The following KCNIP4 variants were observed in gnomAD, a reference collection of about 807,000 sequenced individuals.
KCNIP4 encodes the protein Kv channel-interacting protein 4.
KCNIP4 carries 12 observed loss-of-function variants against 34.0 expected under a neutral mutation model. That is an observed-to-expected ratio of 0.35 (90% CI 0.23 to 0.57). The LOEUF (loss-of-function observed/expected upper bound fraction) is 0.57. Ranked by LOEUF, KCNIP4 falls within the 20% of genes least tolerant of loss-of-function variation. The pLI, the probability that KCNIP4 is intolerant of heterozygous loss-of-function variation, is 0.83. For synonymous variants in KCNIP4, 124 were observed against 102.2 expected (o/e 1.21, Z -1.29); for missense variants, 238 against 311.7 (o/e 0.76, Z 1.78).
chr4:21,780,610 C>T (rs889666602), intron 1 of KCNIP4, among the ~76,000 whole-genome samples: 1 of 152,142 alleles, frequency 6.6e-6, no homozygotes, highest in African/African-American at 2.4e-5. Context: ...GCTCCAACCT[C>T]CCATTCACAT....
intron 1 of KCNIP4, among the ~76,000 whole-genome samples, chr4:21,435,989 C>G (rs377186578): frequency 6.6e-6 from 1 of 152,258 alleles, no homozygotes; most frequent in African/African-American, 2.4e-5. Context: ...GAGGAAACAG[C>G]GAGCTCCCAG....
intron 1 of KCNIP4, among the ~76,000 whole-genome samples, chr4:21,559,437 A>G (rs1006931601): frequency 1.3e-5 from 2 of 152,136 alleles, no homozygotes; most frequent in Non-Finnish European, 2.9e-5. Flanking sequence ...AGCATTCACC[A>G]TATATGCATT....
intron 1 of KCNIP4, among the ~76,000 whole-genome samples, chr4:21,263,948 C>T (rs1372599108): frequency 6.6e-6 from 1 of 151,982 alleles, no homozygotes; most frequent in Non-Finnish European, 1.5e-5. Context: ...AGCCACCATG[C>T]CCAGCCCAAT....
chr4:20,924,132 G>A (rs1302137363), intron 1 of KCNIP4, among the ~76,000 whole-genome samples: 1 of 152,152 alleles, frequency 6.6e-6, no homozygotes, highest in Non-Finnish European at 1.5e-5. Flanking sequence ...GAATTATTGG[G>A]ACATTGAATG....
chr4:21,861,056 C>T (rs1040039), intron 1 of KCNIP4, among the ~76,000 whole-genome samples: 110,974 of 152,114 alleles, frequency 0.73, 45,187 homozygotes, highest in East Asian at 0.89. Flanking sequence ...GTCAGATGTA[C>T]ATAGATATTA....
At chr4:21,525,712 C>T (rs358832) in intron 1 of KCNIP4, among the ~76,000 whole-genome samples, 131,867 of 152,130 alleles carry the variant, frequency 0.87, 57,302 homozygotes, top group East Asian at 0.99. Flanking sequence ...ATTGGGGATT[C>T]AGAGGTGTAG....
At chr4:21,630,162 C>A (rs1432578524) in intron 1 of KCNIP4, among the ~76,000 whole-genome samples, 2 of 151,430 alleles carry the variant, frequency 1.3e-5, no homozygotes, top group Non-Finnish European at 2.9e-5. Context: ...CCATACCCGG[C>A]CAACATATTT....
intron 1 of KCNIP4, among the ~76,000 whole-genome samples, chr4:21,680,109 T>C (rs1750225550): frequency 6.6e-6 from 1 of 152,216 alleles, no homozygotes; most frequent in South Asian, 2.1e-4. Context: ...AAGATAACTT[T>C]TTTCAAAATT....
At chr4:21,624,424 G>C (rs1224892475) in intron 1 of KCNIP4, among the ~76,000 whole-genome samples, 1 of 152,126 alleles carries the variant, frequency 6.6e-6, no homozygotes, top group African/African-American at 2.4e-5. Context: ...AAAAATAAGT[G>C]GGTGTGGAAT....
chr4:21,413,006 C>T (rs1393447554), intron 1 of KCNIP4, among the ~76,000 whole-genome samples: 1 of 152,162 alleles, frequency 6.6e-6, no homozygotes, highest in Non-Finnish European at 1.5e-5. Flanking sequence ...TGATATATCT[C>T]CTTGCCCCAG....
chr4:21,935,278 C>G (rs1327907565), intron 1 of KCNIP4, among the ~76,000 whole-genome samples: 2 of 152,090 alleles, frequency 1.3e-5, no homozygotes, highest in Non-Finnish European at 2.9e-5. Context: ...GAAACTCTCC[C>G]TTCTTTAATC....
intron 3 of KCNIP4, among the ~76,000 whole-genome samples, chr4:20,780,377 AG>A (rs1241323054): frequency 6.6e-6 from 1 of 152,206 alleles, no homozygotes; most frequent in African/African-American, 2.4e-5. Flanking sequence ...AGCTCAGGTG[AG>A]TGGCTGGTAG....
intron 1 of KCNIP4, among the ~76,000 whole-genome samples, chr4:21,116,054 C>T (rs531937407): frequency 1.2e-4 from 18 of 152,130 alleles, no homozygotes; most frequent in African/African-American, 3.6e-4. Flanking sequence ...CTTTTTCCCT[C>T]GCCTTTACAC....
intron 1 of KCNIP4, among the ~76,000 whole-genome samples, chr4:21,320,845 C>T (rs528238315): frequency 4.5e-4 from 68 of 151,940 alleles, no homozygotes; most frequent in African/African-American, 1.5e-3. Context: ...GTGGTACGTG[C>T]CTGTAATCCC....
chr4:21,855,010 A>G (rs1724661865), intron 1 of KCNIP4, among the ~76,000 whole-genome samples: 1 of 152,086 alleles, frequency 6.6e-6, no homozygotes, highest in Non-Finnish European at 1.5e-5. Context: ...TCCCTGCTCT[A>G]TCATTTGCCC....
intron 1 of KCNIP4, among the ~76,000 whole-genome samples, chr4:21,678,154 G>A: frequency 6.6e-6 from 1 of 152,062 alleles, no homozygotes; most frequent in East Asian, 1.9e-4. Context: ...GACAGTTTCT[G>A]TTACAACTAC....
intron 1 of KCNIP4, among the ~76,000 whole-genome samples, chr4:21,856,934 C>T (rs112888778): frequency 1.1e-3 from 164 of 152,230 alleles, no homozygotes; most frequent in Middle Eastern, 3.4e-3. Flanking sequence ...CTTTGGGCAC[C>T]GAGGAGCATG....
rs188705333 is a variant in KCNIP4 at position 21,151,016 on chromosome 4, A to G, written c.62-268307T>C. Among the ~76,000 whole-genome samples, 44 of 152,314 alleles carry G rather than the reference A, an allele frequency of 2.9e-4. No homozygotes were observed. The East Asian group carries it at 8.1e-3, about 28-fold the overall frequency. The stretch of plus-strand genomic sequence containing the variant: ...GTTTCTGTCTAAAAATCTACTTGCT[A>G]GAAGGGAAAAAGAGCCTTTCTATAA... On this transcript the variant is annotated intron_variant, in intron 1 of 8. Transcript: ENST00000382152.
At chr4:21,654,440 C>A (rs1429378053) in intron 1 of KCNIP4, among the ~76,000 whole-genome samples, 1 of 152,048 alleles carries the variant, frequency 6.6e-6, no homozygotes, top group African/African-American at 2.4e-5. Context: ...AAAGGAGTGT[C>A]TTTTTTCTAA....
Sources: gnomAD v4.1 joint callset for allele counts (sites outside exome capture counted in the v4.1 genomes callset) on GRCh38, gnomAD v4.1.1 for gene constraint, MANE v1.5 for transcripts, NCBI Gene and HGNC (gene_info 2026-07-23, HGNC 2026-07-21) for gene names.